The following CLTCL1 variants were observed in gnomAD, a reference collection of about 807,000 sequenced individuals.
CLTCL1 encodes clathrin heavy chain 2.
A neutral mutation model predicts 190.0 loss-of-function variants in CLTCL1; 159 were observed. The observed-to-expected ratio is 0.84, with a 90% CI of 0.74 to 0.95. CLTCL1 has a LOEUF of 0.95. Among genes scored for constraint, CLTCL1 ranks in the 40% least tolerant of loss-of-function variants. CLTCL1 has a pLI of 0.00. For missense variants in CLTCL1, 1,878 were observed against 2,033.4 expected, an observed-to-expected ratio of 0.92 and a Z score of 1.47; for synonymous variants, 752 against 769.6, an observed-to-expected ratio of 0.98 and a Z score of 0.38.
intron 17 of CLTCL1, 122 bp from the exon 18 acceptor site, chr22:19,220,129 G>T: frequency 8.2e-7 from 1 of 1,220,096 alleles, no homozygotes; most frequent in Non-Finnish European, 1.2e-6. Context: ...CAGGGCCCAG[G>T]CAAGACGCTA....
chr22:19,179,987 C>T lies in CLTCL1; in HGVS notation c.*21-18G>A, dbSNP rs2084073780. 1.7e-6 allele frequency: 1 copy of T among 584,766 alleles called. No homozygotes were observed. The highest frequency in any genetic ancestry group is 3.0e-6 in the Non-Finnish European group (1 of 328,748). The allele number at this position is 584,766 out of a possible 1,614,324, so 36.2% of individuals were successfully genotyped here. On this transcript the variant is annotated intron_variant, in intron 32 of 32. Coordinates refer to ENST00000427926, the MANE Select transcript of CLTCL1 (RefSeq NM_007098.4). The stretch of plus-strand genomic sequence containing the variant: ...GGCAGGGCCTGCAGAGGGGGAAGCC[C>T]ACAATGAGCAGAGCTCTTCCTGCCC...
At chr22:19,249,841 C>A in intron 3 of CLTCL1, 1 of 386,154 alleles carries the variant, frequency 2.6e-6, no homozygotes, top group Non-Finnish European at 5.2e-6. Flanking sequence ...CACAAACCAT[C>A]AAAGCTGATT....
At chr22:19,247,376 G>A (rs534194057) in intron 3 of CLTCL1, among the ~76,000 whole-genome samples, 1 of 152,200 alleles carries the variant, frequency 6.6e-6, no homozygotes, top group East Asian at 1.9e-4. Context: ...ATGCCCATGA[G>A]GTGTTTTGTT....
chr22:19,259,299 T>C (rs2086866739), intron 2 of CLTCL1, among the ~76,000 whole-genome samples: 1 of 151,992 alleles, frequency 6.6e-6, no homozygotes, highest in South Asian at 2.1e-4. Context: ...AGAGACGGGG[T>C]TTTACCATGT....
intron 22 of CLTCL1, among the ~76,000 whole-genome samples, chr22:19,202,421 C>G (rs1555940295): frequency 6.6e-6 from 1 of 151,908 alleles, no homozygotes; most frequent in Non-Finnish European, 1.5e-5. Flanking sequence ...ACGGCACCTC[C>G]CGCACCACCC....
At chr22:19,275,917 A>G in intron 1 of CLTCL1, 87 bp from the exon 2 acceptor site, 1 of 1,196,966 alleles carries the variant, frequency 8.4e-7, no homozygotes, top group Non-Finnish European at 1.2e-6. Context: ...AAGTTAAATA[A>G]AATTTAGAAA....
At position 19,216,273 on chromosome 22, in the gene CLTCL1, T is replaced by C; in HGVS notation, c.2920-17A>G. ...CTGTACCACCTGGTTTTAAAAAGCA[T>C]TTGAAAGAACTTGATTAAAGTCAAT... is the stretch of plus-strand genomic sequence containing the variant. On this transcript the variant is annotated splice_polypyrimidine_tract_variant and intron_variant, in intron 18 of 32. Transcript: ENST00000427926. 6.2e-7 allele frequency: 1 copy of C among 1,612,658 alleles called. No homozygotes were observed. Among genetic ancestry groups the C allele is most frequent in the Non-Finnish European group, 8.5e-7 (1 of 1,179,160 alleles).
At chr22:19,232,440 A>G (rs782620701) in intron 10 of CLTCL1, 36 bp downstream of exon 10, 25 of 1,612,916 alleles carry the variant, frequency 1.5e-5, no homozygotes, top group Non-Finnish European at 2.1e-5. Flanking sequence ...GGCTCTAAAA[A>G]GCCACAAAAA....
intron 29 of CLTCL1, among the ~76,000 whole-genome samples, chr22:19,186,942 CTT>C (rs34819932): frequency 5.5e-5 from 8 of 145,070 alleles, no homozygotes; most frequent in Non-Finnish European, 1.1e-4. Context: ...TTCCTCAAAT[CTT>C]TTTTTTTTTT....
intron 5 of CLTCL1, chr22:19,238,798 TC>T (rs1378079440): frequency 6.5e-6 from 1 of 153,792 alleles, no homozygotes; most frequent in East Asian, 1.9e-4. Context: ...AGCTCTAGGC[TC>T]CCTCAATGGC....
rs782804165 is a variant in CLTCL1 at position 19,233,487 on chromosome 22, G to A, written c.1303C>T (p.Leu435Phe). 21 of 1,613,800 alleles carry A rather than the reference G, an allele frequency of 1.3e-5. No homozygotes were observed. In the South Asian group the frequency reaches 2.0e-4, roughly 15 times the overall value. The stretch of plus-strand genomic sequence containing the variant: ...CCCTGCTGAAGAACCAGATGGCAAA[G>A]TTCTAAGGATTCAAGTTTATTGAGC... ...GQLNKLESLE[L>F]CHLVLQQGRK... is the part of the protein sequence containing the mutation. Residue 435 changes from leucine to phenylalanine, a missense_variant, in exon 8 of 33, where the codon CTT (leucine) becomes TTT (phenylalanine). Physicochemically the swap from Leu to Phe is conservative, Grantham distance 22 (BLOSUM62 0). Coordinates refer to ENST00000427926, the MANE Select transcript of CLTCL1 (RefSeq NM_007098.4).
chr22:19,268,077 C>G (rs1555978728), intron 2 of CLTCL1, among the ~76,000 whole-genome samples: 1 of 152,122 alleles, frequency 6.6e-6, no homozygotes, highest in Non-Finnish European at 1.5e-5. Flanking sequence ...AAAATGCATG[C>G]TGAAACTTCA....
intron 4 of CLTCL1, among the ~76,000 whole-genome samples, chr22:19,240,501 G>C (rs539832204): frequency 3.3e-5 from 5 of 152,226 alleles, no homozygotes; most frequent in South Asian, 2.1e-4. Flanking sequence ...CGGGCCAATG[G>C]GGGAGGCTGA....
At chr22:19,181,590 C>A (rs1474829010) in intron 30 of CLTCL1, 4 of 152,158 alleles carry the variant, frequency 2.6e-5, no homozygotes, top group African/African-American at 9.7e-5. Context: ...GCGCTGGGGG[C>A]GTCTCAGAGG....
rs545374128 is a variant in CLTCL1 at position 19,196,166 on chromosome 22, C to T, written c.4191+100G>A. On this transcript the variant is annotated intron_variant, in intron 26 of 32. Coordinates refer to ENST00000427926, the MANE Select transcript of CLTCL1 (RefSeq NM_007098.4). Reference sequence around the variant, plus strand: ...AGTGAACGCACACACAGCATGGGGGCATGCTGGTACTCATTCCACTCCCAC... The same window carrying T: ...AGTGAACGCACACACAGCATGGGGGTATGCTGGTACTCATTCCACTCCCAC... 16 of 1,206,276 alleles carry T rather than the reference C, an allele frequency of 1.3e-5. No individual in the cohort carries two copies. The African/African-American group carries it at 2.4e-4, about 18-fold the overall frequency. The allele number at this position is 1,206,276 out of a possible 1,614,324, so 74.7% of individuals were successfully genotyped here. A position where few individuals can be genotyped will look rare whatever the true frequency, so the allele number is the denominator to read the frequency against.
chr22:19,254,086 C>A lies in CLTCL1; in HGVS notation c.392G>T (p.Ser131Ile). 1 of 1,612,744 alleles carries A rather than the reference C, an allele frequency of 6.2e-7. No homozygotes were observed. Among genetic ancestry groups the A allele is most frequent in the Non-Finnish European group, 8.5e-7 (1 of 1,179,264 alleles). Residue 131 changes from serine (S) to isoleucine (I), a missense_variant, in exon 3 of 33, where the codon AGC (serine) becomes ATC (isoleucine). Physicochemically the swap from Ser to Ile is moderately radical, Grantham distance 142 (BLOSUM62 -2). Coordinates refer to ENST00000427926, the MANE Select transcript of CLTCL1 (RefSeq NM_007098.4). Reference sequence around the variant, plus strand: ...CATGGGCTGGGAGTCACCTTCCATGCTCCAGTGGTAGACCGCGGTCTCGGT... The same window carrying A: ...CATGGGCTGGGAGTCACCTTCCATGATCCAGTGGTAGACCGCGGTCTCGGT... ...LVTETAVYHW[S>I]MEGDSQPMKM...
In CLTCL1 at chr22:19,290,603, T is replaced by G. The variant is rs781947361; in HGVS notation, c.42+997A>C. Reference sequence around the variant, plus strand: ...GGCAGGATCCCCTGGATATCAAGTTTCCAGTCTGCAGAATGAGGGGACTGG... The same window carrying G: ...GGCAGGATCCCCTGGATATCAAGTTGCCAGTCTGCAGAATGAGGGGACTGG... On this transcript the variant is annotated intron_variant, in intron 1 of 32. Transcript: ENST00000427926. Among the ~76,000 whole-genome samples, 91 of 152,250 alleles carry G rather than the reference T, an allele frequency of 6.0e-4. 1 individual carries two copies. The highest frequency in any genetic ancestry group is 3.4e-3 in the Middle Eastern group (1 of 294).
chr22:19,253,777 T>A (rs561831776), intron 3 of CLTCL1, among the ~76,000 whole-genome samples, 182 bp downstream of exon 3: 1 of 152,128 alleles, frequency 6.6e-6, no homozygotes, highest in South Asian at 2.1e-4. Context: ...CTTGGCTCAC[T>A]GCAACCTCAA....
intron 19 of CLTCL1, among the ~76,000 whole-genome samples, chr22:19,215,768 T>C (rs2085365201): frequency 6.6e-6 from 1 of 152,240 alleles, no homozygotes. Flanking sequence ...TTGTTCACCA[T>C]GATTTGAAGA....
Sources: gnomAD v4.1 joint callset for allele counts (sites outside exome capture counted in the v4.1 genomes callset) on GRCh38, gnomAD v4.1.1 for gene constraint, MANE v1.5 for transcripts, NCBI Gene and HGNC (gene_info 2026-07-23, HGNC 2026-07-21) for gene names.